TMEM43: variants seen among roughly 807,000 people sequenced by gnomAD.
The protein encoded by TMEM43 is arrhythmogenic right ventricular dysplasia 5.
A neutral mutation model predicts 49.6 loss-of-function variants in TMEM43; 45 were observed. That is an observed-to-expected ratio of 0.91 (90% CI 0.71 to 1.16). The LOEUF (loss-of-function observed/expected upper bound fraction) is 1.16, where lower values mean the gene tolerates loss of function less well. Among genes scored for constraint, TMEM43 ranks in the 50% most tolerant of loss-of-function variants. The probability of loss-of-function intolerance (pLI) is 0.00; values close to 1 mark genes in which losing one functional copy is unlikely to be tolerated. For synonymous variants in TMEM43, 199 were observed against 207.8 expected (o/e 0.96, Z 0.36); for missense variants, 532 against 516.6 (o/e 1.03, Z -0.29).
At position 14,130,885 on chromosome 3, in the gene TMEM43, AG is replaced by A. The variant is rs1326435428; in HGVS notation, c.227del (p.Ser76ThrfsTer38). The A allele has an allele frequency of 1.2e-6, 2 of 1,613,672 alleles. No individual in the cohort carries two copies. The highest frequency in any genetic ancestry group is 1.3e-5 in the African/African-American group (1 of 74,932). On this transcript the variant is annotated frameshift_variant, in exon 3 of 12. Transcript: ENST00000306077. LOFTEE classifies it high-confidence loss of function. ...EGLSLVVSPD[S>X]IHSVAPENEG... ...GCTCTCGCTTGTGGTGTCTCCCGAC[AG>A]CATCCACAGTGTGGCTCCGGAGAAT...
chr3:14,130,226 G>A (rs928264758), intron 2 of TMEM43, among the ~76,000 whole-genome samples: 12 of 151,722 alleles, frequency 7.9e-5, no homozygotes, highest in Admixed American at 3.3e-4. Flanking sequence ...TTGGCTCTCC[G>A]TCCTCTGAAT....
In TMEM43 at chr3:14,142,759, T is replaced by G. The variant is rs1246088946; in HGVS notation, c.*964T>G. On this transcript the variant is annotated 3_prime_UTR_variant, in exon 12 of 12. Transcript: ENST00000306077. The stretch of plus-strand genomic sequence containing the variant: ...CAAGTATCAGCAAAAGGATTTGTTT[T>G]CACTCTGGGAGGAGAGGGTGGAGAA... 1 of 152,678 alleles carries G rather than the reference T, an allele frequency of 6.5e-6. No individual in the cohort carries two copies. The highest frequency in any genetic ancestry group is 1.5e-5 in the Non-Finnish European group (1 of 68,044). The allele number at this position is 152,678 out of a possible 1,614,324, so 9.5% of individuals were successfully genotyped here.
chr3:14,130,538 A>C (rs1695078831), intron 2 of TMEM43, among the ~76,000 whole-genome samples: 1 of 152,198 alleles, frequency 6.6e-6, no homozygotes, highest in Admixed American at 6.5e-5. Flanking sequence ...AGAAAGGGAC[A>C]GGCAGGCAGA....
At chr3:14,126,346 T>C (rs1023119522) in intron 1 of TMEM43, among the ~76,000 whole-genome samples, 30 of 152,134 alleles carry the variant, frequency 2.0e-4, no homozygotes, top group Non-Finnish European at 2.1e-4. Flanking sequence ...TGTGGACTCT[T>C]TGTCTGCTCC....
chr3:14,128,446 C>T (rs1010850074), intron 1 of TMEM43, among the ~76,000 whole-genome samples: 1 of 152,176 alleles, frequency 6.6e-6, no homozygotes, highest in Non-Finnish European at 1.5e-5. Flanking sequence ...TAGGGATGCT[C>T]TTCCCCTAAG....
Position 14,135,216 on chromosome 3 carries a change from TG to T in TMEM43, c.767del (p.Gly256AlafsTer8). Reference sequence around the variant, plus strand: ...GGACTGAGCGGCGATGACCCTGACCTGGGCCCAGCTCACGTGGTAACCTGGC... The same window carrying T: ...GGACTGAGCGGCGATGACCCTGACCTGGCCCAGCTCACGTGGTAACCTGGC... ...YAGLSGDDPD[L>X]GPAHVVTVIA... is the part of the protein sequence containing the mutation. On this transcript the variant is annotated frameshift_variant, in exon 9 of 12. Transcript: ENST00000306077. LOFTEE classifies it high-confidence loss of function. 6.2e-7 allele frequency: 1 copy of T among 1,612,442 alleles called. No homozygotes were observed.
intron 1 of TMEM43, among the ~76,000 whole-genome samples, chr3:14,127,926 C>T (rs555245048): frequency 2.2e-4 from 34 of 152,300 alleles, no homozygotes; most frequent in African/African-American, 6.5e-4. Flanking sequence ...CACTTTACAT[C>T]TTTGTGACTT....
chr3:14,125,902 CA>C (rs1695013874), intron 1 of TMEM43, among the ~76,000 whole-genome samples: 1 of 152,202 alleles, frequency 6.6e-6, no homozygotes, highest in Non-Finnish European at 1.5e-5. Context: ...GCCCAACATT[CA>C]TTCAACAAGC....
intron 4 of TMEM43, 112 bp from the exon 5 acceptor site, chr3:14,132,434 T>C: frequency 9.3e-7 from 1 of 1,080,698 alleles, no homozygotes; most frequent in Non-Finnish European, 1.4e-6. Flanking sequence ...ATCTGCCGTA[T>C]CTGGGGAGTC....
At chr3:14,141,214 A>G (rs1441497564) in intron 11 of TMEM43, among the ~76,000 whole-genome samples, 2 of 152,236 alleles carry the variant, frequency 1.3e-5, no homozygotes, top group Non-Finnish European at 2.9e-5. Flanking sequence ...AGGCACCTTC[A>G]GGAGGCTCCA....
At chr3:14,130,005 TC>T (rs1186655013) in intron 2 of TMEM43, among the ~76,000 whole-genome samples, 1 of 151,792 alleles carries the variant, frequency 6.6e-6, no homozygotes, top group African/African-American at 2.4e-5. Context: ...TCTTTTCCTT[TC>T]TTTCCCCTCC....
At chr3:14,135,043 G>C in intron 8 of TMEM43, 115 bp from the exon 9 acceptor site, 1 of 1,480,892 alleles carries the variant, frequency 6.8e-7, no homozygotes, top group South Asian at 1.1e-5. Context: ...GGCACAGCCT[G>C]GGCACGGGTG....
intron 9 of TMEM43, 125 bp downstream of exon 9, chr3:14,135,357 C>T: frequency 2.5e-6 from 2 of 811,226 alleles, no homozygotes; most frequent in South Asian, 1.4e-5. Context: ...CACTCTCGCA[C>T]ACACTCTCAG....
chr3:14,128,767 C>T (rs1279709161), intron 1 of TMEM43: 1 of 270,644 alleles, frequency 3.7e-6, no homozygotes, highest in African/African-American at 2.3e-5. Flanking sequence ...AGCAGTTGTA[C>T]TCCTAGGTAT....
intron 1 of TMEM43, among the ~76,000 whole-genome samples, chr3:14,125,937 G>C (rs556581213): frequency 1.3e-4 from 20 of 152,274 alleles, no homozygotes; most frequent in Admixed American, 1.1e-3. Context: ...AGGGCGCTGG[G>C]TGTGGGAGAA....
chr3:14,133,982 G>A (rs1300374247), intron 7 of TMEM43, among the ~76,000 whole-genome samples, 173 bp downstream of exon 7: 1 of 152,204 alleles, frequency 6.6e-6, no homozygotes, highest in African/African-American at 2.4e-5. Flanking sequence ...AGCAAGGGCT[G>A]ACGTAGAAAC....
At chr3:14,132,744 A>G in intron 5 of TMEM43, 122 bp from the exon 6 acceptor site, 2 of 1,370,616 alleles carry the variant, frequency 1.5e-6, no homozygotes, top group Admixed American at 1.7e-5. Flanking sequence ...CTGCTTTCCC[A>G]CCCATCCATT....
rs1695218764 is a variant in TMEM43, at chr3:14,139,292, C to A, written c.995C>A (p.Thr332Asn). The A allele has an allele frequency of 6.2e-7, 1 of 1,613,210 alleles. No homozygotes were observed. Among genetic ancestry groups the A allele is most frequent in the Middle Eastern group, 1.7e-4 (1 of 6,056 alleles). The change falls in exon 11 of 12, where the codon ACC becomes AAC. Residue 332 changes from threonine (T) to asparagine (N), a missense_variant. Thr to Asn is a moderately conservative substitution (Grantham distance 65, BLOSUM62 0). Coordinates refer to ENST00000306077, the MANE Select transcript of TMEM43 (RefSeq NM_024334.3). ...AACCTTATGACACGGATCCTCTACACCTTGGGTAGGTGTTGGGGTGGGTCA... is the reference window on the plus strand; with the variant it reads ...AACCTTATGACACGGATCCTCTACAACTTGGGTAGGTGTTGGGGTGGGTCA... ...GLNLMTRILY[T>N]LVDWFPVFRD...
In TMEM43 at chr3:14,142,021, A is replaced by G; in HGVS notation, c.*226A>G. 1 of 582,840 alleles carries G rather than the reference A, an allele frequency of 1.7e-6. No homozygotes were observed. The highest frequency in any genetic ancestry group is 3.1e-6 in the Non-Finnish European group (1 of 326,704). 36.1% of individuals were successfully genotyped at this position (582,840 alleles called of 1,614,324 possible). A position where few individuals can be genotyped will look rare whatever the true frequency, so the allele number is the denominator to read the frequency against. On this transcript the variant is annotated 3_prime_UTR_variant, in exon 12 of 12. Coordinates refer to ENST00000306077, the MANE Select transcript of TMEM43 (RefSeq NM_024334.3). ...CCAGTAAGCAGCTTTGGTGGGCAGC[A>G]GCAGCTCATGAATGGCAAGCTGACA...
Sources: gnomAD v4.1 joint callset for allele counts (sites outside exome capture counted in the v4.1 genomes callset) on GRCh38, gnomAD v4.1.1 for gene constraint, MANE v1.5 for transcripts, NCBI Gene and HGNC (gene_info 2026-07-23, HGNC 2026-07-21) for gene names.